PBX3: variants seen among roughly 807,000 people sequenced by gnomAD.
The protein encoded by PBX3 is pre-B-cell leukemia transcription factor 3.
A neutral mutation model predicts 48.5 loss-of-function variants in PBX3; 14 were observed. That is an observed-to-expected ratio of 0.29 (90% confidence interval 0.19 to 0.45). PBX3 has a LOEUF of 0.45. Among genes scored for constraint, PBX3 ranks in the 20% least tolerant of loss-of-function variants. PBX3 has a pLI of 1.00. For missense variants in PBX3, 386 were observed against 546.7 expected, an observed-to-expected ratio of 0.71 and a Z score of 2.93; for synonymous variants, 210 against 200.3, an observed-to-expected ratio of 1.05 and a Z score of -0.41.
Position 125,899,289 on chromosome 9 carries a change from T to A in PBX3, c.275-16397T>A, listed in dbSNP as rs567825025. On this transcript the variant is annotated intron_variant, in intron 2 of 8. Transcript: ENST00000373489. ...TATAAATATACATATGTATATATAT[T>A]TATATATAAATATACATATATGTAT... 3.6e-4 allele frequency among the ~76,000 whole-genome samples: 43 copies of A among 120,540 alleles called. 2 individuals are homozygous for A. In the East Asian group the frequency reaches 8.4e-3, roughly 23 times the overall value. 79.1% of individuals were successfully genotyped at this position (120,540 alleles called of 152,430 possible). A position where few individuals can be genotyped will look rare whatever the true frequency, so the allele number is the denominator to read the frequency against.
At chr9:125,777,465 C>T (rs879404283) in intron 2 of PBX3, among the ~76,000 whole-genome samples, 3 of 151,392 alleles carry the variant, frequency 2.0e-5, no homozygotes, top group Admixed American at 1.3e-4. Flanking sequence ...AAGCAATTCT[C>T]CTGCCTCAGC....
chr9:125,787,677 G>A (rs12237283), intron 2 of PBX3, among the ~76,000 whole-genome samples: 8,972 of 152,214 alleles, frequency 0.059, 612 homozygotes, highest in East Asian at 0.17. Context: ...TTGCATAGAT[G>A]GGAAAGGTAA....
chr9:125,797,595 C>T, intron 2 of PBX3: 1 of 152,058 alleles, frequency 6.6e-6, no homozygotes, highest in East Asian at 1.9e-4. Flanking sequence ...TTATGAGATA[C>T]ATATAGTACA....
At chr9:125,749,307 G>A (rs1426683698) in intron 2 of PBX3, 1 of 152,212 alleles carries the variant, frequency 6.6e-6, no homozygotes, top group Non-Finnish European at 1.5e-5. Context: ...TATATAAGAA[G>A]ATAGGTTTTG....
chr9:125,852,727 A>G (rs753342349), intron 2 of PBX3, among the ~76,000 whole-genome samples: 1 of 152,196 alleles, frequency 6.6e-6, no homozygotes, highest in Non-Finnish European at 1.5e-5. Context: ...TTCCCAGGAA[A>G]TGTTAAATTC....
intron 2 of PBX3, among the ~76,000 whole-genome samples, chr9:125,774,858 G>C (rs1197984832): frequency 1.3e-5 from 2 of 151,446 alleles, no homozygotes; most frequent in Non-Finnish European, 2.9e-5. Context: ...CCACAGCCAT[G>C]TACAGGGTTC....
At chr9:125,817,457 G>T (rs1214923933) in intron 2 of PBX3, among the ~76,000 whole-genome samples, 1 of 152,136 alleles carries the variant, frequency 6.6e-6, no homozygotes, top group African/African-American at 2.4e-5. Flanking sequence ...ACTGGGGTTT[G>T]TGCGATAGAT....
Position 125,770,946 on chromosome 9 carries a change from A to G in PBX3, c.274+22323A>G, listed in dbSNP as rs1836925165. Among the ~76,000 whole-genome samples, 3 of 152,240 alleles carry G rather than the reference A, an allele frequency of 2.0e-5. No individual in the cohort carries two copies. In the South Asian group the frequency reaches 6.2e-4, roughly 31 times the overall value. On this transcript the variant is annotated intron_variant, in intron 2 of 8. Transcript: ENST00000373489. Reference sequence around the variant, plus strand: ...ATGATATCTTCAGGCGCTGCTGTCAAGTGTTATTCAAATAATACCAGCCTC... The same window carrying G: ...ATGATATCTTCAGGCGCTGCTGTCAGGTGTTATTCAAATAATACCAGCCTC...
In PBX3 at chr9:125,942,707, G is replaced by A. The variant is rs537157683; in HGVS notation, c.843+7100G>A. Among the ~76,000 whole-genome samples the A allele has an allele frequency of 3.9e-5, 6 of 152,226 alleles. No homozygotes were observed. In the East Asian group the frequency reaches 1.2e-3, roughly 29 times the overall value. On this transcript the variant is annotated intron_variant, in intron 5 of 8. Transcript: ENST00000373489. ...GAAAAGGCAGCTATTTTGTTAAAAC[G>A]GTTCTTTCACATGTCTTAAAAGAAG...
intron 2 of PBX3, among the ~76,000 whole-genome samples, chr9:125,777,085 A>G (rs1322702069): frequency 1.3e-5 from 2 of 151,094 alleles, no homozygotes; most frequent in Admixed American, 6.6e-5. Flanking sequence ...GCTCACTGCA[A>G]CCTGCAACCT....
At chr9:125,960,097 T>A (rs1842395085) in intron 5 of PBX3, among the ~76,000 whole-genome samples, 1 of 140,882 alleles carries the variant, frequency 7.1e-6, no homozygotes, top group Admixed American at 6.8e-5. Flanking sequence ...TGGTTGGAAT[T>A]ACTTGAGTTT....
chr9:125,911,355 A>G (rs951816180), intron 2 of PBX3, among the ~76,000 whole-genome samples: 3 of 152,140 alleles, frequency 2.0e-5, no homozygotes, highest in Non-Finnish European at 4.4e-5. Flanking sequence ...TTTGGGTTAC[A>G]CTTCTCAAAC....
intron 2 of PBX3, among the ~76,000 whole-genome samples, chr9:125,873,184 C>T (rs1285913547): frequency 6.6e-6 from 1 of 150,628 alleles, no homozygotes; most frequent in African/African-American, 2.4e-5. Flanking sequence ...GACTCTGTCT[C>T]AAAAAAACAA....
At chr9:125,783,826 C>T (rs1330379531) in intron 2 of PBX3, among the ~76,000 whole-genome samples, 1 of 151,876 alleles carries the variant, frequency 6.6e-6, no homozygotes, top group Middle Eastern at 3.2e-3. Context: ...TGATAAAACC[C>T]CTTCTCTAAT....
intron 2 of PBX3, among the ~76,000 whole-genome samples, chr9:125,847,356 G>C (rs1839453146): frequency 6.6e-6 from 1 of 151,890 alleles, no homozygotes; most frequent in Non-Finnish European, 1.5e-5. Flanking sequence ...GGACAAATTG[G>C]AAACAGTTGA....
At chr9:125,933,555 T>C (rs1029160317) in intron 4 of PBX3, among the ~76,000 whole-genome samples, 2 of 152,188 alleles carry the variant, frequency 1.3e-5, no homozygotes, top group African/African-American at 4.8e-5. Flanking sequence ...TCTATTCCCA[T>C]CTACCCTGGG....
At chr9:125,813,910 A>G (rs1409958381) in intron 2 of PBX3, among the ~76,000 whole-genome samples, 1 of 149,536 alleles carries the variant, frequency 6.7e-6, no homozygotes, top group Non-Finnish European at 1.5e-5. Context: ...CATACCTGTA[A>G]TCCCAAAACT....
Position 125,863,748 on chromosome 9 carries a change from T to C in PBX3, c.275-51938T>C, listed in dbSNP as rs531498174. On this transcript the variant is annotated intron_variant, in intron 2 of 8. Coordinates refer to ENST00000373489, the MANE Select transcript of PBX3 (RefSeq NM_006195.6). ...TGGTTACTAGATGTTTCTTCATCAC[T>C]CTTTTTTTCTATCTCACACAATTTT... is the stretch of plus-strand genomic sequence containing the variant. Among the ~76,000 whole-genome samples, 46 of 152,322 alleles carry C rather than the reference T, an allele frequency of 3.0e-4. 1 individual carries two copies. The South Asian group carries it at 9.5e-3, about 32-fold the overall frequency.
At chr9:125,787,132 T>G (rs1837478520) in intron 2 of PBX3, among the ~76,000 whole-genome samples, 1 of 152,086 alleles carries the variant, frequency 6.6e-6, no homozygotes, top group Non-Finnish European at 1.5e-5. Context: ...CTCAACCTCC[T>G]TAGCTCAAGT....
Sources: allele counts gnomAD v4.1 joint callset (sites outside exome capture counted in the v4.1 genomes callset), GRCh38; gene constraint gnomAD v4.1.1; transcripts MANE v1.5; gene names NCBI Gene and HGNC (gene_info 2026-07-23, HGNC 2026-07-21).